ALDH1A2: variants seen among roughly 807,000 people sequenced by gnomAD.
ALDH1A2 encodes aldehyde dehydrogenase 1 family member A2, also known as retinal dehydrogenase 2.
A neutral mutation model predicts 60.3 loss-of-function variants in ALDH1A2; 27 were observed. That is an observed-to-expected ratio of 0.45 (90% CI 0.33 to 0.62). The LOEUF (loss-of-function observed/expected upper bound fraction) is 0.62. Among genes scored for constraint, ALDH1A2 ranks in the 20% least tolerant of loss-of-function variants. The pLI, the probability that ALDH1A2 is intolerant of heterozygous loss-of-function variation, is 0.02. For synonymous variants in ALDH1A2, 289 were observed against 232.4 expected (o/e 1.24, Z -2.21); for missense variants, 581 against 643.8 (o/e 0.90, Z 1.06).
At chr15:58,004,968 C>T (rs376847294) in intron 4 of ALDH1A2, among the ~76,000 whole-genome samples, 19 of 151,696 alleles carry the variant, frequency 1.3e-4, no homozygotes, top group African/African-American at 3.9e-4. Flanking sequence ...AAGCAATATA[C>T]AGATTTGATG....
At chr15:57,963,661 T>C (rs1893801587) in intron 9 of ALDH1A2, among the ~76,000 whole-genome samples, 1 of 152,062 alleles carries the variant, frequency 6.6e-6, no homozygotes, top group South Asian at 2.1e-4. Flanking sequence ...CTTAAAGTAA[T>C]GGTAATCCCA....
At chr15:58,038,100 T>C (rs1015705489) in intron 1 of ALDH1A2, among the ~76,000 whole-genome samples, 2 of 151,632 alleles carry the variant, frequency 1.3e-5, no homozygotes, top group Non-Finnish European at 3.0e-5. Flanking sequence ...GTTTCCCTGG[T>C]CTCTTCCTAC....
chr15:57,954,912 T>C lies in ALDH1A2; in HGVS notation c.*285A>G, dbSNP rs1449901339. ...AATACAGCTCCCTTATTTCATCCTGTGCTCCAGAAGGAGATACTGGATGTG... is the reference window on the plus strand; with the variant it reads ...AATACAGCTCCCTTATTTCATCCTGCGCTCCAGAAGGAGATACTGGATGTG... On this transcript the variant is annotated 3_prime_UTR_variant, in exon 13 of 13. Coordinates refer to ENST00000249750, the MANE Select transcript of ALDH1A2 (RefSeq NM_003888.4). 32 of 512,372 alleles carry C rather than the reference T, an allele frequency of 6.2e-5. No individual in the cohort carries two copies. The highest frequency in any genetic ancestry group is 5.3e-4 in the Middle Eastern group (1 of 1,876). 31.7% of individuals were successfully genotyped at this position (512,372 alleles called of 1,614,324 possible). A position where few individuals can be genotyped will look rare whatever the true frequency, so the allele number is the denominator to read the frequency against.
At chr15:57,979,781 T>A (rs1894420771) in intron 7 of ALDH1A2, 5 of 249,094 alleles carry the variant, frequency 2.0e-5, no homozygotes, top group Non-Finnish European at 4.3e-5. Context: ...CCCAGGCAGT[T>A]GCCAGCACCC....
intron 1 of ALDH1A2, among the ~76,000 whole-genome samples, chr15:58,057,426 G>A (rs1356786839): frequency 6.6e-6 from 1 of 152,080 alleles, no homozygotes; most frequent in African/African-American, 2.4e-5. Flanking sequence ...GAAGATAAAT[G>A]CCTCTGGCAA....
chr15:57,985,751 C>T (rs1566938239), intron 7 of ALDH1A2, among the ~76,000 whole-genome samples: 1 of 152,090 alleles, frequency 6.6e-6, no homozygotes, highest in African/African-American at 2.4e-5. Flanking sequence ...GGGATAGACT[C>T]CAAAGAGAAT....
intron 4 of ALDH1A2, among the ~76,000 whole-genome samples, chr15:57,999,548 G>A (rs1359999889): frequency 6.6e-6 from 1 of 151,940 alleles, no homozygotes; most frequent in African/African-American, 2.4e-5. Flanking sequence ...ACAGATGCTG[G>A]CAAAGGTGTG....
chr15:58,022,546 C>G (rs1234631594), intron 1 of ALDH1A2, among the ~76,000 whole-genome samples: 1 of 152,168 alleles, frequency 6.6e-6, no homozygotes, highest in African/African-American at 2.4e-5. Context: ...AAAGCCACCT[C>G]AAGGCCAAGA....
At chr15:58,055,599 A>C (rs1896875552) in intron 1 of ALDH1A2, among the ~76,000 whole-genome samples, 1 of 152,090 alleles carries the variant, frequency 6.6e-6, no homozygotes, top group African/African-American at 2.4e-5. Context: ...CAAAATTGTC[A>C]GGTGTTATAT....
intron 4 of ALDH1A2, among the ~76,000 whole-genome samples, chr15:58,001,838 A>T (rs1040758272): frequency 2.6e-5 from 4 of 151,924 alleles, no homozygotes; most frequent in African/African-American, 9.7e-5. Flanking sequence ...CAGACTTAGC[A>T]TAAAAAAGGA....
intron 4 of ALDH1A2, among the ~76,000 whole-genome samples, chr15:57,995,788 TAAAAGA>T (rs1322957060): frequency 6.6e-6 from 1 of 152,096 alleles, no homozygotes; most frequent in Non-Finnish European, 1.5e-5. Context: ...TCCTAGGGGC[TAAAAGA>T]AAAAGAGCTT....
chr15:57,991,411 C>CTT (rs1894892826), intron 7 of ALDH1A2: 1 of 152,144 alleles, frequency 6.6e-6, no homozygotes, highest in African/African-American at 2.4e-5. Context: ...ACTCAGTAAT[C>CTT]TAACTGAATT....
chr15:57,958,722 G>A (rs1386189391), intron 12 of ALDH1A2, among the ~76,000 whole-genome samples: 1 of 152,192 alleles, frequency 6.6e-6, no homozygotes, highest in African/African-American at 2.4e-5. Flanking sequence ...AGGTGGAAGA[G>A]TTGGGGACCA....
chr15:58,042,676 G>A (rs1159439431), intron 1 of ALDH1A2, among the ~76,000 whole-genome samples: 1 of 151,846 alleles, frequency 6.6e-6, no homozygotes, highest in Non-Finnish European at 1.5e-5. Context: ...TTTCTTGTCT[G>A]AATTGAAGTT....
Position 57,965,748 on chromosome 15 carries a change from T to G in ALDH1A2, c.878A>C (p.Asn293Thr), listed in dbSNP as rs766296622. ...VTLELGGKSP[N>T]IIFADADLDY... ...ACAGTCAGCATCAGCAAAAATAATA[T>G]TAGGACTTTTGCCTCCAAGTTCCAG... Residue 293 changes from asparagine (N) to threonine (T), a missense_variant, in exon 8 of 13, where the codon AAT (asparagine) becomes ACT (threonine). Coordinates refer to ENST00000249750, the MANE Select transcript of ALDH1A2 (RefSeq NM_003888.4). 6.2e-7 allele frequency: 1 copy of G among 1,613,908 alleles called. No homozygotes were observed.
intron 1 of ALDH1A2, among the ~76,000 whole-genome samples, chr15:58,040,057 T>C (rs981062609): frequency 1.3e-5 from 2 of 151,914 alleles, no homozygotes; most frequent in African/African-American, 2.4e-5. Context: ...CAAGCACTTA[T>C]TGAATACCTA....
intron 7 of ALDH1A2, among the ~76,000 whole-genome samples, chr15:57,971,881 G>C (rs1406548161): frequency 1.3e-5 from 2 of 152,148 alleles, no homozygotes; most frequent in Admixed American, 1.3e-4. Context: ...ACACTACCAA[G>C]CCTGGCTAAT....
intron 4 of ALDH1A2, among the ~76,000 whole-genome samples, chr15:58,004,212 C>T (rs1895370723): frequency 6.6e-6 from 1 of 151,844 alleles, no homozygotes; most frequent in Non-Finnish European, 1.5e-5. Context: ...CTCTCTCTAA[C>T]TGATTATCCA....
At position 57,953,893 on chromosome 15, in the gene ALDH1A2, A is replaced by G. The variant is rs781174242; in HGVS notation, c.*1304T>C. ...GATGGAAGAAGGGATGGAAGAAGGAAAGGAAGCTAACACTTCCCACATCAA... is the reference window on the plus strand; with the variant it reads ...GATGGAAGAAGGGATGGAAGAAGGAGAGGAAGCTAACACTTCCCACATCAA... On this transcript the variant is annotated 3_prime_UTR_variant, in exon 13 of 13. Transcript: ENST00000249750. 1 of 152,466 alleles carries G rather than the reference A, an allele frequency of 6.6e-6. No individual in the cohort carries two copies. Among genetic ancestry groups the G allele is most frequent in the Non-Finnish European group, 1.5e-5 (1 of 68,084 alleles). 9.4% of individuals were successfully genotyped at this position (152,466 alleles called of 1,614,324 possible). A position where few individuals can be genotyped will look rare whatever the true frequency, so the allele number is the denominator to read the frequency against.
Sources: allele counts gnomAD v4.1 joint callset (sites outside exome capture counted in the v4.1 genomes callset), GRCh38; gene constraint gnomAD v4.1.1; transcripts MANE v1.5; gene names NCBI Gene and HGNC (gene_info 2026-07-23, HGNC 2026-07-21).